The following MAL2 variants were observed in gnomAD, a reference collection of about 807,000 sequenced individuals.
MAL2 encodes the protein protein MAL2.
Under a neutral mutation model 18.1 loss-of-function variants are expected in MAL2, and 17 were observed. That is an observed-to-expected ratio of 0.94 (90% confidence interval 0.64 to 1.41). The LOEUF is 1.41. MAL2 is among the 40% of genes most tolerant of loss of function. The probability of loss-of-function intolerance (pLI) is 0.00; values close to 1 mark genes in which losing one functional copy is unlikely to be tolerated. For missense variants in MAL2, 222 were observed against 231.9 expected, an observed-to-expected ratio of 0.96 and a Z score of 0.28; for synonymous variants, 102 against 102.3, an observed-to-expected ratio of 1.00 and a Z score of 0.02.
At chr8:119,235,408 G>A (rs1817860778) in intron 2 of MAL2, among the ~76,000 whole-genome samples, 2 of 152,066 alleles carry the variant, frequency 1.3e-5, no homozygotes, top group Admixed American at 6.6e-5. Context: ...CCCCAATCTA[G>A]CAAGGCAGGC....
intron 2 of MAL2, among the ~76,000 whole-genome samples, chr8:119,233,730 C>T (rs941843616): frequency 2.4e-4 from 36 of 151,960 alleles, no homozygotes; most frequent in African/African-American, 6.3e-4. Flanking sequence ...GATTCACAGC[C>T]GAATTCTACC....
intron 2 of MAL2, among the ~76,000 whole-genome samples, chr8:119,234,873 A>G (rs1411674191): frequency 6.6e-6 from 1 of 152,038 alleles, no homozygotes; most frequent in East Asian, 1.9e-4. Context: ...ACAGAACATA[A>G]AAACTGGAAA....
intron 2 of MAL2, among the ~76,000 whole-genome samples, chr8:119,229,218 C>A (rs1471486023): frequency 6.6e-6 from 1 of 152,094 alleles, no homozygotes; most frequent in African/African-American, 2.4e-5. Flanking sequence ...TTCCTTGTCC[C>A]TGAAGCTTTG....
intron 2 of MAL2, among the ~76,000 whole-genome samples, chr8:119,239,567 A>T (rs1010480360): frequency 1.3e-5 from 2 of 151,998 alleles, no homozygotes; most frequent in African/African-American, 2.4e-5. Flanking sequence ...TGGCACATAT[A>T]CACCATGGAA....
intron 3 of MAL2, among the ~76,000 whole-genome samples, chr8:119,242,521 TAATAGGTATCAAAA>T (rs1305080526): frequency 7.9e-5 from 12 of 152,244 alleles, no homozygotes; most frequent in Middle Eastern, 3.4e-3. Flanking sequence ...AGGTATCAAA[TAATAGGTATCAAAA>T]AATAGGTATC....
Position 119,208,384 on chromosome 8 carries a change from G to GAGCGGCGGCGGC in MAL2, c.-88_-77dup. The GAGCGGCGGCGGC allele has an allele frequency of 1.4e-6, 1 of 708,582 alleles. No homozygotes were observed. The highest frequency in any genetic ancestry group is 1.7e-6 in the Non-Finnish European group (1 of 580,022). 43.9% of individuals were successfully genotyped at this position (708,582 alleles called of 1,614,324 possible). A position where few individuals can be genotyped will look rare whatever the true frequency, so the allele number is the denominator to read the frequency against. ...CGGCGCGCCCGGAGCCCGCGGAGCT[G>GAGCGGCGGCGGC]AGCGGCGGCGGCGGCGGCGGCAGGA... On this transcript the variant is annotated 5_prime_UTR_variant, in exon 1 of 4. Transcript: ENST00000614891. This position sits in a 1 kb window ranked among gnomAD's most constrained non-coding sequence, Gnocchi z 4.3.
chr8:119,225,994 T>G (rs1817588400), intron 2 of MAL2, among the ~76,000 whole-genome samples: 2 of 152,242 alleles, frequency 1.3e-5, no homozygotes, highest in South Asian at 4.1e-4. Context: ...TTGTTTGAGT[T>G]CATTGTAGAT....
At chr8:119,229,008 C>T (rs1817652741) in intron 2 of MAL2, among the ~76,000 whole-genome samples, 1 of 152,140 alleles carries the variant, frequency 6.6e-6, no homozygotes, top group South Asian at 2.1e-4. Flanking sequence ...ACTCTTGGGC[C>T]TTTCCATGGC....
Position 119,221,662 on chromosome 8 carries a change from T to A in MAL2, c.208T>A (p.Phe70Ile). 3 of 1,613,972 alleles carry A rather than the reference T, an allele frequency of 1.9e-6. No homozygotes were observed. The highest frequency in any genetic ancestry group is 2.5e-6 in the Non-Finnish European group (3 of 1,179,850). Reference sequence around the variant, plus strand: ...ACCTCTACTACAAGGATGGGTCATGTTTGTGTCCGTGACAGCGTTTTTCTT... The same window carrying A: ...ACCTCTACTACAAGGATGGGTCATGATTGTGTCCGTGACAGCGTTTTTCTT... Reference protein sequence around the residue: ...PLPLLQGWVMFVSVTAFFFSL... With the variant: ...PLPLLQGWVMIVSVTAFFFSL... The change falls in exon 2 of 4, where the codon TTT (phenylalanine) becomes ATT (isoleucine). Residue 70 changes from phenylalanine to isoleucine, a missense_variant. By Grantham distance (21) the Phe-to-Ile change is conservative (BLOSUM62 0). Coordinates refer to ENST00000614891, the MANE Select transcript of MAL2 (RefSeq NM_052886.3).
At chr8:119,220,970 A>G (rs1456740110) in intron 1 of MAL2, 1 of 152,244 alleles carries the variant, frequency 6.6e-6, no homozygotes, top group Non-Finnish European at 1.5e-5. Context: ...AGTGCCTGAA[A>G]TGTAGTAGGT....
At chr8:119,243,332 C>A in intron 3 of MAL2, 85 bp from the exon 4 acceptor site, 2 of 949,960 alleles carry the variant, frequency 2.1e-6, no homozygotes, top group Non-Finnish European at 3.0e-6. Context: ...GATTGTTGGT[C>A]AAACTTCATA....
Position 119,240,154 on chromosome 8 carries a change from T to G in MAL2, c.304-11T>G. The G allele has an allele frequency of 6.2e-7, 1 of 1,611,452 alleles. No individual in the cohort carries two copies. Among genetic ancestry groups the G allele is most frequent in the Non-Finnish European group, 8.5e-7 (1 of 1,178,722 alleles). On this transcript the variant is annotated splice_polypyrimidine_tract_variant and intron_variant, in intron 2 of 3. Transcript: ENST00000614891. ...TTTTTAATTGCAGATGTCTTTTCTC[T>G]CCTCTTTTAGGATTTTGCCTACCAT...
chr8:119,229,212 T>A (rs1276900721), intron 2 of MAL2, among the ~76,000 whole-genome samples: 2 of 152,172 alleles, frequency 1.3e-5, no homozygotes, highest in Admixed American at 6.5e-5. Context: ...TATCCCTTCC[T>A]TGTCCCTGAA....
intron 2 of MAL2, among the ~76,000 whole-genome samples, chr8:119,237,009 A>G (rs187306307): frequency 2.0e-5 from 3 of 151,350 alleles, no homozygotes; most frequent in African/African-American, 7.4e-5. Context: ...CAGGAGCTGG[A>G]TTTTTGAAAG....
chr8:119,224,613 G>A lies in MAL2; in HGVS notation c.303+2856G>A, dbSNP rs1263788654. On this transcript the variant is annotated intron_variant, in intron 2 of 3. Transcript: ENST00000614891. ...TTACATGAATGAATTGCATAGTGGT[G>A]AAATCTGAGATGTTAGTGTAACAGC... Among the ~76,000 whole-genome samples, 3 of 151,964 alleles carry A rather than the reference G, an allele frequency of 2.0e-5. No individual in the cohort carries two copies. The East Asian group carries it at 5.8e-4, about 29-fold the overall frequency.
At chr8:119,226,285 G>A (rs1349266333) in intron 2 of MAL2, among the ~76,000 whole-genome samples, 1 of 152,052 alleles carries the variant, frequency 6.6e-6, no homozygotes, top group African/African-American at 2.4e-5. Context: ...TAACATTTAA[G>A]TCTTCAATCC....
rs187042389 is a variant in MAL2 at position 119,242,844 on chromosome 8, A to G, written c.460-573A>G. Among the ~76,000 whole-genome samples, 381 of 152,362 alleles carry G rather than the reference A, an allele frequency of 2.5e-3. 4 individuals are homozygous for G. The highest frequency in any genetic ancestry group is 6.3e-4 in the Non-Finnish European group (43 of 68,032). On this transcript the variant is annotated intron_variant, in intron 3 of 3. Transcript: ENST00000614891. The stretch of plus-strand genomic sequence containing the variant: ...TACTGTTTGTTTATATGTACCAAGT[A>G]TAGTGATATACACACAGTTGGTGCT...
intron 2 of MAL2, among the ~76,000 whole-genome samples, chr8:119,228,108 C>T (rs1817634386): frequency 6.6e-6 from 1 of 152,150 alleles, no homozygotes; most frequent in South Asian, 2.1e-4. Context: ...TACACGAGGG[C>T]AATACATGCT....
intron 2 of MAL2, among the ~76,000 whole-genome samples, chr8:119,237,601 G>T (rs1817936238): frequency 6.6e-6 from 1 of 151,642 alleles, no homozygotes; most frequent in African/African-American, 2.4e-5. Context: ...TGATCAAGTG[G>T]GCTTCATCCC....
Sources: gnomAD v4.1 joint callset for allele counts (sites outside exome capture counted in the v4.1 genomes callset) on GRCh38, gnomAD v4.1.1 for gene constraint, Gnocchi (gnomAD v3.1) non-coding constraint, MANE v1.5 for transcripts, NCBI Gene and HGNC (gene_info 2026-07-23, HGNC 2026-07-21) for gene names.